CAB39: variants seen among roughly 807,000 people sequenced by gnomAD.
CAB39 encodes calcium binding protein 39.
A neutral mutation model predicts 40.0 loss-of-function variants in CAB39; 8 were observed. That is an observed-to-expected ratio of 0.20 (90% CI 0.12 to 0.36). The LOEUF is 0.36. Ranked by LOEUF, CAB39 falls within the 10% of genes least tolerant of loss-of-function variation. The pLI is 1.00. For missense variants in CAB39, 270 were observed against 401.1 expected, an observed-to-expected ratio of 0.67 and a Z score of 2.79; for synonymous variants, 156 against 141.6, an observed-to-expected ratio of 1.10 and a Z score of -0.72.
In CAB39 at chr2:230,751,478, A is replaced by C. The variant is rs567139598; in HGVS notation, c.-43-8481A>C. Reference sequence around the variant, plus strand: ...GACCTTTTGACTTATGGACCTTTTGAGTTCTTTTCAGTATTTGTCAATACA... The same window carrying C: ...GACCTTTTGACTTATGGACCTTTTGCGTTCTTTTCAGTATTTGTCAATACA... On this transcript the variant is annotated intron_variant, in intron 1 of 8. Transcript: ENST00000258418. Among the ~76,000 whole-genome samples the C allele has an allele frequency of 4.6e-5, 7 of 152,274 alleles. No individual in the cohort carries two copies. In the South Asian group the frequency reaches 1.5e-3, roughly 32 times the overall value.
intron 2 of CAB39, among the ~76,000 whole-genome samples, chr2:230,766,325 A>G (rs1695384663): frequency 6.6e-6 from 1 of 152,222 alleles, no homozygotes; most frequent in Non-Finnish European, 1.5e-5. Flanking sequence ...GTATTTATAA[A>G]CATTTACAAA....
intron 2 of CAB39, among the ~76,000 whole-genome samples, chr2:230,764,275 A>G (rs185585058): frequency 6.6e-6 from 1 of 152,332 alleles, no homozygotes; most frequent in East Asian, 1.9e-4. Flanking sequence ...AACAATATTC[A>G]ATAAATTACA....
At chr2:230,800,019 A>G (rs140823090) in intron 5 of CAB39, among the ~76,000 whole-genome samples, 659 of 152,066 alleles carry the variant, frequency 4.3e-3, no homozygotes, top group Non-Finnish European at 7.3e-3. Context: ...ATACACGCAC[A>G]CACACACACA....
intron 2 of CAB39, among the ~76,000 whole-genome samples, chr2:230,767,404 A>G (rs551434420): frequency 4.5e-4 from 69 of 152,186 alleles, no homozygotes; most frequent in Non-Finnish European, 9.0e-4. Flanking sequence ...TCTGCCCTGG[A>G]TTACTGTAGT....
intron 1 of CAB39, among the ~76,000 whole-genome samples, chr2:230,750,572 A>AT (rs61519274): frequency 0.061 from 9,102 of 148,676 alleles, 920 homozygotes; most frequent in African/African-American, 0.21. Flanking sequence ...CACATCTTTT[A>AT]TTTTTTTTTT....
intron 2 of CAB39, among the ~76,000 whole-genome samples, chr2:230,762,893 G>A (rs948330303): frequency 3.3e-5 from 5 of 152,200 alleles, no homozygotes; most frequent in South Asian, 2.1e-4. Flanking sequence ...GGCAGCAAGT[G>A]CCACAAAAGC....
At chr2:230,719,904 G>A (rs1452307968) in intron 1 of CAB39, among the ~76,000 whole-genome samples, 1 of 152,152 alleles carries the variant, frequency 6.6e-6, no homozygotes, top group Non-Finnish European at 1.5e-5. Flanking sequence ...ATGTGACTGT[G>A]CTTTAACCTT....
rs1198628306 is a variant in CAB39, at chr2:230,785,387, G to A, written c.115-5485G>A. On this transcript the variant is annotated intron_variant, in intron 2 of 8. Coordinates refer to ENST00000258418, the MANE Select transcript of CAB39 (RefSeq NM_016289.4). ...TGGGCAGGGGCGCGTGGGCAGGGGG[G>A]CAGGGGGGCAGGGGGCGGTTGTGGA... 2.0e-5 allele frequency among the ~76,000 whole-genome samples: 3 copies of A among 147,440 alleles called. No individual in the cohort carries two copies. In the East Asian group the frequency reaches 6.1e-4, roughly 30 times the overall value.
intron 2 of CAB39, among the ~76,000 whole-genome samples, chr2:230,775,415 T>C (rs140565380): frequency 2.6e-5 from 4 of 152,044 alleles, no homozygotes; most frequent in African/African-American, 4.8e-5. Flanking sequence ...TTTGTGTTTT[T>C]AGTAGAGACA....
intron 5 of CAB39, among the ~76,000 whole-genome samples, chr2:230,799,400 G>C (rs752179139): frequency 2.0e-5 from 3 of 152,218 alleles, no homozygotes; most frequent in Non-Finnish European, 4.4e-5. Flanking sequence ...ACTGGATCAT[G>C]TCGATTAAAT....
At chr2:230,718,072 G>A (rs1380910063) in intron 1 of CAB39, among the ~76,000 whole-genome samples, 2 of 152,142 alleles carry the variant, frequency 1.3e-5, no homozygotes, top group African/African-American at 2.4e-5. Flanking sequence ...TCATATGCAT[G>A]TTTCAAAGAT....
intron 1 of CAB39, among the ~76,000 whole-genome samples, chr2:230,718,268 C>A (rs1694387598): frequency 6.6e-6 from 1 of 152,148 alleles, no homozygotes; most frequent in African/African-American, 2.4e-5. Flanking sequence ...TAATTAAGTT[C>A]CTACTTTGTG....
rs1263098611 is a variant in CAB39 at position 230,764,988 on chromosome 2, C to CT, written c.114+4882dup. Among the ~76,000 whole-genome samples, 684 of 151,290 alleles carry CT rather than the reference C, an allele frequency of 4.5e-3. 3 individuals carry two copies. The highest frequency in any genetic ancestry group is 0.015 in the African/African-American group (627 of 41,258). ...CTTCAGGAACATTCCTAAGTTGGAC[C>CT]TTTTTTTTTCCTTTTTTGAGACGGA... On this transcript the variant is annotated intron_variant, in intron 2 of 8. Transcript: ENST00000258418.
In CAB39 at chr2:230,793,214, G is replaced by A; in HGVS notation, c.281G>A (p.Gly94Asp). 6.3e-7 allele frequency: 1 copy of A among 1,589,390 alleles called. No homozygotes were observed. The highest frequency in any genetic ancestry group is 8.6e-7 in the Non-Finnish European group (1 of 1,159,502). ...VADLQLIDFEGKKDVAQIFNN... is the reference protein window; with the variant it reads ...VADLQLIDFEDKKDVAQIFNN... ...TGTTAATGATTGTATTCCTAATAGGGCAAAAAAGACGTGGCTCAAATTTTC... is the reference window on the plus strand; with the variant it reads ...TGTTAATGATTGTATTCCTAATAGGACAAAAAAGACGTGGCTCAAATTTTC... The change falls in exon 4 of 9, where the codon GGC becomes GAC. Residue 94 changes from glycine (G) to aspartate (D), a missense_variant and splice_region_variant. By Grantham distance (94) the Gly-to-Asp change is moderately conservative (BLOSUM62 -1). Coordinates refer to ENST00000258418, the MANE Select transcript of CAB39 (RefSeq NM_016289.4).
chr2:230,770,319 A>C, intron 2 of CAB39, among the ~76,000 whole-genome samples: 1 of 152,232 alleles, frequency 6.6e-6, no homozygotes, highest in Non-Finnish European at 1.5e-5. Context: ...TGTACAAGTT[A>C]ATAGGGAATA....
rs146755738 is a variant in CAB39, at chr2:230,818,619, C to T, written c.941C>T (p.Thr314Met). 4.7e-4 allele frequency: 762 copies of T among 1,614,056 alleles called. 10 individuals are homozygous for T. In the South Asian group the frequency reaches 6.2e-3, roughly 13 times the overall value. ...CTCAGCAAGTTTCAGAACGACAGGA[C>T]GGAGGATGAGCAGTTTAACGACGAG... ...EFLSKFQNDR[T>M]EDEQFNDEKT... Residue 314 changes from threonine (T) to methionine (M), a missense_variant, in exon 9 of 9, where the codon ACG becomes ATG. Thr to Met is a moderately conservative substitution (Grantham distance 81). Coordinates refer to ENST00000258418, the MANE Select transcript of CAB39 (RefSeq NM_016289.4).
At chr2:230,788,108 T>G (rs1160831864) in intron 2 of CAB39, among the ~76,000 whole-genome samples, 2 of 152,246 alleles carry the variant, frequency 1.3e-5, no homozygotes, top group Admixed American at 1.3e-4. Flanking sequence ...CTGTGCAAAG[T>G]AATCTTGAAG....
At chr2:230,764,815 A>G (rs1479406233) in intron 2 of CAB39, among the ~76,000 whole-genome samples, 2 of 152,264 alleles carry the variant, frequency 1.3e-5, no homozygotes, top group Non-Finnish European at 2.9e-5. Flanking sequence ...TATAGCTGAA[A>G]TAATCACACA....
At chr2:230,743,296 A>G (rs1694916291) in intron 1 of CAB39, among the ~76,000 whole-genome samples, 1 of 152,172 alleles carries the variant, frequency 6.6e-6, no homozygotes, top group Admixed American at 6.5e-5. Context: ...ACAGAAAGGA[A>G]GGGAGAGATA....
Sources: allele counts gnomAD v4.1 joint callset (sites outside exome capture counted in the v4.1 genomes callset), GRCh38; gene constraint gnomAD v4.1.1; transcripts MANE v1.5; gene names NCBI Gene and HGNC (gene_info 2026-07-23, HGNC 2026-07-21).